The following SLC41A2 variants were observed in gnomAD, a reference collection of about 807,000 sequenced individuals.
SLC41A2 encodes the protein solute carrier family 41 member 2.
Under a neutral mutation model 58.3 loss-of-function variants are expected in SLC41A2, and 32 were observed. That is an observed-to-expected ratio of 0.55 (90% CI 0.41 to 0.74). The LOEUF (loss-of-function observed/expected upper bound fraction) is 0.74. Among genes scored for constraint, SLC41A2 ranks in the 30% least tolerant of loss-of-function variants. SLC41A2 has a pLI of 0.00. For missense variants in SLC41A2, 514 were observed against 680.6 expected (o/e 0.76, Z 2.72); for synonymous variants, 190 against 235.0 (o/e 0.81, Z 1.75).
chr12:104,814,471 C>T (rs1407337638), intron 10 of SLC41A2, among the ~76,000 whole-genome samples: 12 of 152,046 alleles, frequency 7.9e-5, no homozygotes, highest in Admixed American at 2.0e-4. Flanking sequence ...TGTCAATCCC[C>T]GAAAGAAGAA....
In SLC41A2 at chr12:104,928,508, C is replaced by A. The variant is rs780204706; in HGVS notation, c.20G>T (p.Arg7Ile). The A allele has an allele frequency of 1.3e-6, 2 of 1,512,746 alleles. No individual in the cohort carries two copies. The highest frequency in any genetic ancestry group is 2.6e-5 in the South Asian group (2 of 77,340). The allele number at this position is 1,512,746 out of a possible 1,614,324, so 93.7% of individuals were successfully genotyped here. MTNSKGRSITDKTSGGP... is the reference protein window; with the variant it reads MTNSKGISITDKTSGGP... ...ACCACTTGTTTTATCGGTAATAGAT[C>A]TTCCTTTACTATTAGTCATATTGTC... is the stretch of plus-strand genomic sequence containing the variant. The change falls in exon 2 of 11, where the codon AGA becomes ATA. Residue 7 changes from arginine (R) to isoleucine (I), a missense_variant. This residue lies in a region of SLC41A2 where 336 missense variants were observed against 430.0 expected (regional missense o/e 0.78). Coordinates refer to ENST00000258538, the MANE Select transcript of SLC41A2 (RefSeq NM_001352171.3).
At chr12:104,806,115 C>A (rs1167215287) in intron 10 of SLC41A2, among the ~76,000 whole-genome samples, 1 of 151,930 alleles carries the variant, frequency 6.6e-6, no homozygotes, top group African/African-American at 2.4e-5. Context: ...GCACAACGTG[C>A]AGGTTTGTTA....
At chr12:104,904,040 C>T (rs910390186) in intron 3 of SLC41A2, among the ~76,000 whole-genome samples, 2 of 152,152 alleles carry the variant, frequency 1.3e-5, no homozygotes, top group South Asian at 4.1e-4. Context: ...TCAGGTTTAA[C>T]GGTAGTATGT....
At chr12:104,830,753 C>T (rs1400251260) in intron 10 of SLC41A2, among the ~76,000 whole-genome samples, 1 of 152,038 alleles carries the variant, frequency 6.6e-6, no homozygotes, top group Non-Finnish European at 1.5e-5. Context: ...AAAACAAGGG[C>T]TTGTCAAATG....
At chr12:104,936,404 G>A (rs1426459084) in intron 1 of SLC41A2, among the ~76,000 whole-genome samples, 1 of 152,186 alleles carries the variant, frequency 6.6e-6, no homozygotes, top group Non-Finnish European at 1.5e-5. Context: ...GCTAATGTGT[G>A]TGTGTATTAG....
chr12:104,850,131 C>T (rs2042745867), intron 8 of SLC41A2, among the ~76,000 whole-genome samples: 1 of 152,160 alleles, frequency 6.6e-6, no homozygotes, highest in African/African-American at 2.4e-5. Flanking sequence ...CACAGAGAAT[C>T]AGAAGGCAGC....
At chr12:104,906,030 C>T (rs1264503174) in intron 3 of SLC41A2, among the ~76,000 whole-genome samples, 2 of 152,238 alleles carry the variant, frequency 1.3e-5, no homozygotes, top group African/African-American at 2.4e-5. Context: ...GGGGAGGTGC[C>T]GAGAGCAAGC....
At chr12:104,890,827 C>T (rs116672462) in intron 4 of SLC41A2, among the ~76,000 whole-genome samples, 2,905 of 152,258 alleles carry the variant, frequency 0.019, 32 homozygotes, top group African/African-American at 0.036. Context: ...TCTGTACAAT[C>T]GTGAAGAAAT....
chr12:104,922,474 T>TTTTA lies in SLC41A2; in HGVS notation c.555+5498_555+5499insTAAA, dbSNP rs1380336913. Among the ~76,000 whole-genome samples, 16 of 136,254 alleles carry TTTTA rather than the reference T, an allele frequency of 1.2e-4. No homozygotes were observed. The East Asian group carries it at 1.2e-3, about 10-fold the overall frequency. 89.4% of individuals were successfully genotyped at this position (136,254 alleles called of 152,430 possible). A position where few individuals can be genotyped will look rare whatever the true frequency, so the allele number is the denominator to read the frequency against. The stretch of plus-strand genomic sequence containing the variant: ...TCAATTCAGCAAGAAGACATAACAA[T>TTTTA]TGTATATATATATATATATCCACCC... On this transcript the variant is annotated intron_variant, in intron 2 of 10. Transcript: ENST00000258538.
intron 2 of SLC41A2, among the ~76,000 whole-genome samples, chr12:104,912,774 G>A (rs1436779252): frequency 6.6e-6 from 1 of 152,150 alleles, no homozygotes; most frequent in African/African-American, 2.4e-5. Context: ...ATCTCAAGCG[G>A]AGGACAGTCT....
intron 6 of SLC41A2, 50 bp downstream of exon 6, chr12:104,886,243 T>G (rs1162799718): frequency 1.3e-6 from 2 of 1,584,332 alleles, no homozygotes; most frequent in Non-Finnish European, 1.7e-6. Context: ...ACAATATTTA[T>G]TTAAAGAGAC....
intron 6 of SLC41A2, among the ~76,000 whole-genome samples, chr12:104,869,535 A>C (rs1355487862): frequency 6.6e-6 from 1 of 152,144 alleles, no homozygotes; most frequent in Non-Finnish European, 1.5e-5. Context: ...AATTATCTTC[A>C]AATAAAAGTT....
chr12:104,942,600 C>A (rs540626878), intron 1 of SLC41A2, among the ~76,000 whole-genome samples: 3 of 152,132 alleles, frequency 2.0e-5, no homozygotes, highest in Non-Finnish European at 2.9e-5. Context: ...TTAGAAATTA[C>A]AGCTATAGAA....
intron 10 of SLC41A2, among the ~76,000 whole-genome samples, chr12:104,816,469 G>A (rs1212712105): frequency 6.6e-6 from 1 of 152,182 alleles, no homozygotes; most frequent in Non-Finnish European, 1.5e-5. Context: ...GCAGGCGGCT[G>A]CCCTGGGCCA....
chr12:104,859,293 A>G (rs2043123639), intron 8 of SLC41A2, among the ~76,000 whole-genome samples: 1 of 152,204 alleles, frequency 6.6e-6, no homozygotes, highest in South Asian at 2.1e-4. Flanking sequence ...TCATCTTAGG[A>G]CCCATGTAAT....
At chr12:104,866,695 G>T in intron 6 of SLC41A2, 116 bp from the exon 7 acceptor site, 1 of 770,568 alleles carries the variant, frequency 1.3e-6, no homozygotes. Context: ...ATATTAACAT[G>T]CTATACATTT....
At chr12:104,890,164 G>A (rs533474646) in intron 4 of SLC41A2, among the ~76,000 whole-genome samples, 1 of 152,074 alleles carries the variant, frequency 6.6e-6, no homozygotes, top group East Asian at 1.9e-4. Context: ...CCACGTGCTG[G>A]AATCGAGGGC....
intron 7 of SLC41A2, among the ~76,000 whole-genome samples, chr12:104,863,195 C>T (rs1356050597): frequency 1.3e-5 from 2 of 152,060 alleles, no homozygotes; most frequent in African/African-American, 4.8e-5. Flanking sequence ...CCCAGCACTC[C>T]GGGAGGCCGA....
At chr12:104,829,096 T>C (rs1223701934) in intron 10 of SLC41A2, among the ~76,000 whole-genome samples, 1 of 152,226 alleles carries the variant, frequency 6.6e-6, no homozygotes, top group Non-Finnish European at 1.5e-5. Flanking sequence ...CTTGGCAGTT[T>C]CTTATAAAGT....
Sources: gnomAD v4.1 joint callset for allele counts (sites outside exome capture counted in the v4.1 genomes callset) on GRCh38, gnomAD v4.1.1 for gene constraint, gnomAD v4.1.1 regional missense constraint, MANE v1.5 for transcripts, NCBI Gene and HGNC (gene_info 2026-07-23, HGNC 2026-07-21) for gene names.